Variants in FHIT observed in about 807,000 individuals in gnomAD.
FHIT encodes fragile histidine triad diadenosine triphosphatase.
A neutral mutation model predicts 17.9 loss-of-function variants in FHIT; 19 were observed. That is an observed-to-expected ratio of 1.06 (90% CI 0.74 to 1.56). The LOEUF is 1.56. Among genes scored for constraint, FHIT ranks in the 40% most tolerant of loss-of-function variants. The pLI is 0.00. For synonymous variants in FHIT, 81 were observed against 69.7 expected, an observed-to-expected ratio of 1.16 and a Z score of -0.81; for missense variants, 248 against 189.2, an observed-to-expected ratio of 1.31 and a Z score of -1.82.
intron 8 of FHIT, among the ~76,000 whole-genome samples, chr3:59,793,138 T>G (rs1188566563): frequency 2.0e-5 from 3 of 152,104 alleles, no homozygotes; most frequent in Non-Finnish European, 4.4e-5. Context: ...TAAATGAAAA[T>G]TGCAAAGCCT....
At chr3:60,285,285 A>C (rs1299591305) in intron 5 of FHIT, among the ~76,000 whole-genome samples, 1 of 152,124 alleles carries the variant, frequency 6.6e-6, no homozygotes, top group Non-Finnish European at 1.5e-5. Context: ...AACATTTGCC[A>C]ATGTTTTGAG....
chr3:60,411,135 A>G (rs1319983458), intron 5 of FHIT, among the ~76,000 whole-genome samples: 1 of 152,140 alleles, frequency 6.6e-6, no homozygotes, highest in Non-Finnish European at 1.5e-5. Context: ...CCATCATAGA[A>G]CGATCTAAGA....
At chr3:60,732,172 G>C in intron 4 of FHIT, 1 of 784,578 alleles carries the variant, frequency 1.3e-6, no homozygotes, top group Non-Finnish European at 2.2e-6. Flanking sequence ...GTCAGCAATG[G>C]TGATCTTCTT....
rs1003627521 is a variant in FHIT, at chr3:60,559,283, A to G, written c.-17-22304T>C. ...AATTTCCCTAGAGGCATGCATTTCT[A>G]TAAAATTCAGCACAAAACAAGAAAA... On this transcript the variant is annotated intron_variant, in intron 4 of 9. Transcript: ENST00000492590. 3.3e-5 allele frequency among the ~76,000 whole-genome samples: 5 copies of G among 152,342 alleles called. No homozygotes were observed. The East Asian group carries it at 9.6e-4, about 29-fold the overall frequency.
chr3:60,098,767 A>G (rs78946473), intron 5 of FHIT, among the ~76,000 whole-genome samples: 6,250 of 152,298 alleles, frequency 0.041, 152 homozygotes, highest in African/African-American at 0.068. Context: ...AGAAAACAGT[A>G]TATAATACAT....
At chr3:61,149,379 G>A (rs1576107140) in intron 2 of FHIT, among the ~76,000 whole-genome samples, 3 of 150,710 alleles carry the variant, frequency 2.0e-5, no homozygotes, top group Middle Eastern at 3.4e-3. Context: ...ACTGAAGCAG[G>A]GTAATAAAAT....
chr3:61,167,906 T>A (rs1243721794), intron 2 of FHIT, among the ~76,000 whole-genome samples: 2 of 152,122 alleles, frequency 1.3e-5, no homozygotes, highest in African/African-American at 2.4e-5. Context: ...TGAGGTGAGA[T>A]TATTTGTCCA....
chr3:60,712,087 C>T (rs1577101345), intron 4 of FHIT, among the ~76,000 whole-genome samples: 1 of 152,316 alleles, frequency 6.6e-6, no homozygotes, highest in Non-Finnish European at 1.5e-5. Flanking sequence ...GGCAGAAATA[C>T]TACAAGCCAG....
intron 5 of FHIT, among the ~76,000 whole-genome samples, chr3:60,211,913 T>C (rs1703469217): frequency 6.6e-6 from 1 of 152,200 alleles, no homozygotes; most frequent in Non-Finnish European, 1.5e-5. Flanking sequence ...ATGAGGCCAA[T>C]ATATACATAT....
chr3:60,480,453 A>T (rs986205137), intron 5 of FHIT, among the ~76,000 whole-genome samples: 1 of 152,208 alleles, frequency 6.6e-6, no homozygotes, highest in Non-Finnish European at 1.5e-5. Context: ...TAGCATTAAC[A>T]CAAAAGTTCA....
At chr3:60,745,226 T>C (rs935117833) in intron 4 of FHIT, among the ~76,000 whole-genome samples, 3 of 152,182 alleles carry the variant, frequency 2.0e-5, no homozygotes, top group African/African-American at 7.2e-5. Flanking sequence ...CGTCTAGATA[T>C]GGGGTGGCAG....
At chr3:59,854,394 G>C (rs1211715888) in intron 8 of FHIT, among the ~76,000 whole-genome samples, 1 of 152,138 alleles carries the variant, frequency 6.6e-6, no homozygotes. Flanking sequence ...AAAAAACAGG[G>C]ACAGGAAGGC....
chr3:59,905,190 G>A (rs547352724), intron 8 of FHIT, among the ~76,000 whole-genome samples: 4 of 152,294 alleles, frequency 2.6e-5, no homozygotes, highest in Admixed American at 6.5e-5. Context: ...AAAACCCTGG[G>A]GAGTACAATC....
chr3:60,947,801 T>C (rs1708703282), intron 3 of FHIT, among the ~76,000 whole-genome samples: 1 of 152,170 alleles, frequency 6.6e-6, no homozygotes, highest in Non-Finnish European at 1.5e-5. Context: ...AACAGAAGAA[T>C]TCCAACTTCA....
At chr3:60,085,159 T>C (rs1360259469) in intron 5 of FHIT, among the ~76,000 whole-genome samples, 1 of 152,136 alleles carries the variant, frequency 6.6e-6, no homozygotes, top group Non-Finnish European at 1.5e-5. Flanking sequence ...AAGAGAGTGG[T>C]CTAGATTTTA....
At chr3:60,589,750 C>T (rs1553663464) in intron 4 of FHIT, among the ~76,000 whole-genome samples, 2 of 152,036 alleles carry the variant, frequency 1.3e-5, no homozygotes, top group Admixed American at 6.6e-5. Flanking sequence ...TTGTTTCCCC[C>T]ACACCTTCAC....
chr3:60,109,348 T>C (rs1704570746), intron 5 of FHIT, among the ~76,000 whole-genome samples: 2 of 152,168 alleles, frequency 1.3e-5, no homozygotes, highest in Non-Finnish European at 2.9e-5. Context: ...ATCTCACGCA[T>C]CTCAGAGGGT....
At chr3:60,081,949 AT>A (rs1703303848) in intron 5 of FHIT, among the ~76,000 whole-genome samples, 1 of 151,716 alleles carries the variant, frequency 6.6e-6, no homozygotes, top group Admixed American at 6.6e-5. Flanking sequence ...AGTTCACTGC[AT>A]TGTCTACTTA....
In FHIT at chr3:59,857,705, GTT is replaced by G. The variant is rs78150569; in HGVS notation, c.348+64639_348+64640del. 5.2e-3 allele frequency among the ~76,000 whole-genome samples: 598 copies of G among 115,396 alleles called. 7 individuals are homozygous for G. The highest frequency in any genetic ancestry group is 0.016 in the African/African-American group (442 of 27,686). The allele number at this position is 115,396 out of a possible 152,430, so 75.7% of individuals were successfully genotyped here. A position where few individuals can be genotyped will look rare whatever the true frequency, so the allele number is the denominator to read the frequency against. ...ATGACTATGCTGTGCAAAGTGCTGG[GTT>G]TTTTTTTTTTTTTTTGTATCCTAAG... On this transcript the variant is annotated intron_variant, in intron 8 of 9. Coordinates refer to ENST00000492590, the MANE Select transcript of FHIT (RefSeq NM_002012.4).
Sources: allele counts gnomAD v4.1 joint callset (sites outside exome capture counted in the v4.1 genomes callset), GRCh38; gene constraint gnomAD v4.1.1; transcripts MANE v1.5; gene names NCBI Gene and HGNC (gene_info 2026-07-23, HGNC 2026-07-21).